CSMD3: variants seen among roughly 807,000 people sequenced by gnomAD.
CSMD3 encodes the protein CUB and sushi domain-containing protein 3.
Under a neutral mutation model 435.2 loss-of-function variants are expected in CSMD3, and 177 were observed. That is an observed-to-expected ratio of 0.41 (90% confidence interval 0.36 to 0.46). CSMD3 has a LOEUF of 0.46. Ranked by LOEUF, CSMD3 falls within the 20% of genes least tolerant of loss-of-function variation. The probability of loss-of-function intolerance (pLI) is 0.34; values close to 1 mark genes in which losing one functional copy is unlikely to be tolerated. For missense variants in CSMD3, 4,265 were observed against 4,504.6 expected, an observed-to-expected ratio of 0.95 and a Z score of 1.52; for synonymous variants, 1,656 against 1,520.5, an observed-to-expected ratio of 1.09 and a Z score of -2.07.
At chr8:112,968,015 T>C (rs2084489351) in intron 7 of CSMD3, among the ~76,000 whole-genome samples, 1 of 151,886 alleles carries the variant, frequency 6.6e-6, no homozygotes, top group South Asian at 2.1e-4. Context: ...GAAATAACAC[T>C]GCCTAAAAGA....
intron 40 of CSMD3, among the ~76,000 whole-genome samples, chr8:112,348,440 T>G (rs1825859545): frequency 6.6e-6 from 1 of 152,238 alleles, no homozygotes; most frequent in Non-Finnish European, 1.5e-5. Context: ...AGCCTTGTTA[T>G]CTGATGACTA....
chr8:112,467,584 C>T (rs1379543770), intron 32 of CSMD3, among the ~76,000 whole-genome samples: 1 of 152,046 alleles, frequency 6.6e-6, no homozygotes, highest in Admixed American at 6.6e-5. Context: ...AATTTATGTT[C>T]ACCAAGAAGC....
At chr8:112,278,844 C>T (rs4551387) in intron 59 of CSMD3, among the ~76,000 whole-genome samples, 4,499 of 152,208 alleles carry the variant, frequency 0.03, 228 homozygotes, top group African/African-American at 0.1. Context: ...TTAATTCAAA[C>T]CTGACTTAAG....
chr8:112,275,025 C>G (rs1254655834), intron 59 of CSMD3, among the ~76,000 whole-genome samples: 1 of 152,122 alleles, frequency 6.6e-6, no homozygotes, highest in Non-Finnish European at 1.5e-5. Flanking sequence ...TTCTACCTCC[C>G]CATTCCCCTT....
At chr8:113,037,647 A>G (rs1405679115) in intron 5 of CSMD3, among the ~76,000 whole-genome samples, 2 of 152,162 alleles carry the variant, frequency 1.3e-5, no homozygotes, top group Admixed American at 6.5e-5. Flanking sequence ...TTTTAGAGAT[A>G]TGACTATAAT....
intron 35 of CSMD3, among the ~76,000 whole-genome samples, chr8:112,393,942 C>T (rs1422229248): frequency 6.6e-6 from 1 of 151,714 alleles, no homozygotes; most frequent in African/African-American, 2.4e-5. Flanking sequence ...GCCATATTCT[C>T]TTTCTAATCA....
chr8:112,725,798 A>C (rs906391766), intron 13 of CSMD3, among the ~76,000 whole-genome samples: 4 of 151,982 alleles, frequency 2.6e-5, no homozygotes, highest in Non-Finnish European at 1.5e-5. Flanking sequence ...TTCAATCCAT[A>C]AAGTATTTAT....
chr8:113,374,818 T>TAAAAAAAAAA (rs1215451792), intron 1 of CSMD3, among the ~76,000 whole-genome samples: 351 of 27,850 alleles, frequency 0.013, 9 homozygotes, highest in Middle Eastern at 0.024. Context: ...TGTTAAAAAG[T>TAAAAAAAAAA]AAAAAAAAAA....
At chr8:112,772,181 A>C (rs2078134693) in intron 13 of CSMD3, among the ~76,000 whole-genome samples, 1 of 152,038 alleles carries the variant, frequency 6.6e-6, no homozygotes, top group African/African-American at 2.4e-5. Flanking sequence ...AACTGTGGGG[A>C]AAAGAAAGAG....
At chr8:112,590,299 T>C (rs1831073378) in intron 22 of CSMD3, among the ~76,000 whole-genome samples, 1 of 152,062 alleles carries the variant, frequency 6.6e-6, no homozygotes, top group Non-Finnish European at 1.5e-5. Flanking sequence ...CTGAGAGCCC[T>C]GACCTGTCCT....
At chr8:113,422,875 T>A (rs1185539832) in intron 1 of CSMD3, among the ~76,000 whole-genome samples, 1 of 152,068 alleles carries the variant, frequency 6.6e-6, no homozygotes, top group African/African-American at 2.4e-5. Flanking sequence ...TACTTTAAAG[T>A]GTAGATTATC....
intron 9 of CSMD3, 133 bp downstream of exon 9, chr8:112,947,657 A>T: frequency 1.9e-6 from 1 of 536,614 alleles, no homozygotes; most frequent in Non-Finnish European, 3.3e-6. Context: ...AGATATTATT[A>T]ATAACAATAC....
intron 12 of CSMD3, among the ~76,000 whole-genome samples, chr8:112,807,461 T>C (rs1463392913): frequency 2.6e-5 from 4 of 151,826 alleles, no homozygotes; most frequent in South Asian, 2.1e-4. Context: ...GCACAGTTAA[T>C]AGAAGTTACT....
intron 19 of CSMD3, among the ~76,000 whole-genome samples, chr8:112,649,449 G>C (rs557001673): frequency 6.6e-6 from 1 of 152,300 alleles, no homozygotes; most frequent in East Asian, 1.9e-4. Flanking sequence ...GAAATAGTAA[G>C]TGTAGAATTT....
chr8:113,341,118 G>A (rs1010546932), intron 1 of CSMD3, among the ~76,000 whole-genome samples: 1 of 151,698 alleles, frequency 6.6e-6, no homozygotes, highest in Admixed American at 6.6e-5. Flanking sequence ...ACATATATAT[G>A]GACAAAACTT....
chr8:112,599,926 G>C (rs920930114), intron 22 of CSMD3, among the ~76,000 whole-genome samples: 42 of 147,148 alleles, frequency 2.9e-4, no homozygotes, highest in African/African-American at 1.0e-3. Flanking sequence ...GCTAGATGAC[G>C]AGTTAGTGGG....
intron 27 of CSMD3, among the ~76,000 whole-genome samples, chr8:112,521,313 A>G (rs999892292): frequency 1.3e-5 from 2 of 151,916 alleles, no homozygotes; most frequent in African/African-American, 4.8e-5. Flanking sequence ...TCTTTCCTCT[A>G]TTCCACTGTT....
At chr8:113,045,414 A>G (rs1282101860) in intron 5 of CSMD3, among the ~76,000 whole-genome samples, 4 of 149,262 alleles carry the variant, frequency 2.7e-5, no homozygotes, top group Non-Finnish European at 4.5e-5. Context: ...GGTTATTTGG[A>G]ATACATCTAA....
intron 5 of CSMD3, among the ~76,000 whole-genome samples, chr8:113,097,485 T>C (rs1181708895): frequency 1.3e-5 from 2 of 151,992 alleles, no homozygotes; most frequent in African/African-American, 2.4e-5. Context: ...GTCCAGGACT[T>C]ATATGTTGTT....
Sources: gnomAD v4.1 joint callset for allele counts (sites outside exome capture counted in the v4.1 genomes callset) on GRCh38, gnomAD v4.1.1 for gene constraint, MANE v1.5 for transcripts, NCBI Gene and HGNC (gene_info 2026-07-23, HGNC 2026-07-21) for gene names.